Variants in SDK1 observed in about 807,000 individuals in gnomAD.
The protein encoded by SDK1 is sidekick cell adhesion molecule 1, also known as protein sidekick-1.
A neutral mutation model predicts 245.5 loss-of-function variants in SDK1; 157 were observed. That is an observed-to-expected ratio of 0.64 (90% CI 0.56 to 0.73). The LOEUF is 0.73. SDK1 is among the 30% of genes least tolerant of loss of function. The pLI is 0.00. For missense variants in SDK1, 3,583 were observed against 3,002.3 expected, an observed-to-expected ratio of 1.19 and a Z score of -4.52; for synonymous variants, 1,647 against 1,278.5, an observed-to-expected ratio of 1.29 and a Z score of -6.15.
chr7:3,557,769 A>T (rs1287827865), intron 1 of SDK1, among the ~76,000 whole-genome samples: 5 of 152,128 alleles, frequency 3.3e-5, no homozygotes. Flanking sequence ...ATTTTCGATT[A>T]AAAAAAGCTA....
intron 8 of SDK1, among the ~76,000 whole-genome samples, chr7:3,960,039 C>T (rs2128128854): frequency 6.6e-6 from 1 of 152,266 alleles, no homozygotes; most frequent in South Asian, 2.1e-4. Flanking sequence ...TTGTTTATAC[C>T]CATCCGTCCT....
chr7:3,580,977 A>AC (rs1780462713), intron 1 of SDK1, among the ~76,000 whole-genome samples: 1 of 138,142 alleles, frequency 7.2e-6, no homozygotes, highest in African/African-American at 2.7e-5. Context: ...TCAAAAAAAA[A>AC]AAAAAAAAAA....
intron 1 of SDK1, among the ~76,000 whole-genome samples, chr7:3,613,402 C>G (rs1781666639): frequency 6.6e-6 from 1 of 152,170 alleles, no homozygotes; most frequent in South Asian, 2.1e-4. Context: ...GAAGTGTCAT[C>G]TTCACATAAA....
chr7:3,509,066 G>A (rs913624009), intron 1 of SDK1, among the ~76,000 whole-genome samples: 5 of 143,706 alleles, frequency 3.5e-5, no homozygotes, highest in African/African-American at 1.3e-4. Context: ...AAGGAAGGTG[G>A]GGTGTGTGTG....
intron 5 of SDK1, among the ~76,000 whole-genome samples, chr7:3,867,635 G>A (rs2115128003): frequency 6.6e-6 from 1 of 152,262 alleles, no homozygotes; most frequent in African/African-American, 2.4e-5. Flanking sequence ...ACAGCAGCAT[G>A]AGAAAGACCT....
At chr7:3,415,942 C>T (rs1470559499) in intron 1 of SDK1, among the ~76,000 whole-genome samples, 1 of 152,100 alleles carries the variant, frequency 6.6e-6, no homozygotes, top group Non-Finnish European at 1.5e-5. Context: ...TGTCTCTGCT[C>T]CCTACCTTCA....
At position 3,591,539 on chromosome 7, in the gene SDK1, C is replaced by A. The variant is rs558441923; in HGVS notation, c.299-27541C>A. Among the ~76,000 whole-genome samples, 367 of 152,328 alleles carry A rather than the reference C, an allele frequency of 2.4e-3. 3 individuals are homozygous for A. Among genetic ancestry groups the A allele is most frequent in the South Asian group, 0.018 (85 of 4,826 alleles). On this transcript the variant is annotated intron_variant, in intron 1 of 44. Transcript: ENST00000404826. ...TGCACTGGCTGTTCACATTGACATT[C>A]AGAAAAACAAATTGCAGTAATCACT...
intron 35 of SDK1, among the ~76,000 whole-genome samples, chr7:4,182,606 T>C (rs1381797811): frequency 6.6e-6 from 1 of 152,140 alleles, no homozygotes; most frequent in Non-Finnish European, 1.5e-5. Flanking sequence ...AATCAGAAGC[T>C]CCTCATCCTG....
chr7:3,513,578 T>A (rs1782647398), intron 1 of SDK1, among the ~76,000 whole-genome samples: 1 of 152,222 alleles, frequency 6.6e-6, no homozygotes, highest in South Asian at 2.1e-4. Flanking sequence ...ATATTTAAAT[T>A]GTTTTAAATT....
intron 1 of SDK1, among the ~76,000 whole-genome samples, chr7:3,510,269 A>C (rs1721929109): frequency 6.6e-6 from 1 of 152,194 alleles, no homozygotes; most frequent in Non-Finnish European, 1.5e-5. Context: ...AAGGAGTTTA[A>C]CATTTCCTAG....
intron 1 of SDK1, among the ~76,000 whole-genome samples, chr7:3,562,150 C>T (rs138194093): frequency 2.6e-4 from 39 of 152,274 alleles, no homozygotes; most frequent in African/African-American, 9.1e-4. Flanking sequence ...TTGGATGTTT[C>T]GGAAACTGCA....
chr7:3,546,253 G>A (rs1466699990), intron 1 of SDK1, among the ~76,000 whole-genome samples: 1 of 152,106 alleles, frequency 6.6e-6, no homozygotes, highest in Non-Finnish European at 1.5e-5. Context: ...GAACAATGAT[G>A]TACAGGAAAG....
chr7:4,060,967 T>C (rs1332454985), intron 19 of SDK1, among the ~76,000 whole-genome samples: 1 of 152,164 alleles, frequency 6.6e-6, no homozygotes, highest in African/African-American at 2.4e-5. Flanking sequence ...TGTGGTGTTA[T>C]TTCAGAGGGC....
chr7:3,438,562 T>G (rs1780096875), intron 1 of SDK1, among the ~76,000 whole-genome samples: 2 of 152,198 alleles, frequency 1.3e-5, no homozygotes, highest in Non-Finnish European at 2.9e-5. Flanking sequence ...TCAGTGCTGC[T>G]GATGGCATGC....
At chr7:4,135,853 C>T (rs665060) in intron 28 of SDK1, among the ~76,000 whole-genome samples, 2 of 152,198 alleles carry the variant, frequency 1.3e-5, no homozygotes, top group African/African-American at 2.4e-5. Flanking sequence ...TTGAGAGCTC[C>T]TCCTAGACCA....
At chr7:3,465,540 G>A (rs1027526963) in intron 1 of SDK1, among the ~76,000 whole-genome samples, 2 of 152,066 alleles carry the variant, frequency 1.3e-5, no homozygotes, top group African/African-American at 4.8e-5. Flanking sequence ...TCCTTGAATG[G>A]CTTTGCACTG....
intron 1 of SDK1, among the ~76,000 whole-genome samples, chr7:3,565,820 A>C (rs1736335085): frequency 6.6e-6 from 1 of 152,214 alleles, no homozygotes; most frequent in South Asian, 2.1e-4. Flanking sequence ...CAGGAAAAAG[A>C]AGTCTGTACA....
At chr7:4,153,733 G>C in intron 30 of SDK1, among the ~76,000 whole-genome samples, 1 of 152,212 alleles carries the variant, frequency 6.6e-6, no homozygotes, top group East Asian at 1.9e-4. Flanking sequence ...CTGGAGTGCA[G>C]TAGCTCCGTC....
Position 4,256,876 on chromosome 7 carries a change from T to C in SDK1, c.6382-8248T>C, listed in dbSNP as rs1033395714. On this transcript the variant is annotated intron_variant, in intron 44 of 44. Coordinates refer to ENST00000404826, the MANE Select transcript of SDK1 (RefSeq NM_152744.4). ...CCATCCTTTTATCCCCCAGGACATT[T>C]TTAAACCACTCTCAGAACTATTGCT... Among the ~76,000 whole-genome samples the C allele has an allele frequency of 2.0e-5, 3 of 152,170 alleles. No individual in the cohort carries two copies. In the East Asian group the frequency reaches 5.8e-4, roughly 29 times the overall value.
Sources: gnomAD v4.1 joint callset for allele counts (sites outside exome capture counted in the v4.1 genomes callset) on GRCh38, gnomAD v4.1.1 for gene constraint, MANE v1.5 for transcripts, NCBI Gene and HGNC (gene_info 2026-07-23, HGNC 2026-07-21) for gene names.